NPAS3: variants seen among roughly 807,000 people sequenced by gnomAD.
NPAS3 encodes neuronal PAS domain protein 3.
NPAS3 carries 14 observed loss-of-function variants against 73.1 expected under a neutral mutation model. The ratio of observed to expected loss-of-function variants is 0.19; its 90% CI spans 0.13 to 0.30. The LOEUF is 0.30. Among genes scored for constraint, NPAS3 ranks in the 10% least tolerant of loss-of-function variants. The pLI is 1.00. For missense variants in NPAS3, 1,096 were observed against 1,250.0 expected (o/e 0.88, Z 1.86); for synonymous variants, 620 against 541.5 (o/e 1.14, Z -2.01).
chr14:33,494,692 A>G (rs1452547813), intron 4 of NPAS3, among the ~76,000 whole-genome samples: 1 of 152,144 alleles, frequency 6.6e-6, no homozygotes, highest in African/African-American at 2.4e-5. Flanking sequence ...TGTTTAAACC[A>G]TAGGTATATA....
In NPAS3 at chr14:33,022,480, C is replaced by T. The variant is rs528165596; in HGVS notation, c.51-33425C>T. On this transcript the variant is annotated intron_variant, in intron 1 of 11. Transcript: ENST00000356141. ...GAGATCGAGACCATCCTGGCTAACA[C>T]GGTGAAACTCCGTCTCTACTAAAAA... Among the ~76,000 whole-genome samples the T allele has an allele frequency of 5.3e-5, 8 of 151,986 alleles. No individual in the cohort carries two copies. In the East Asian group the frequency reaches 7.8e-4, roughly 15 times the overall value.
intron 3 of NPAS3, among the ~76,000 whole-genome samples, chr14:33,222,440 G>A (rs769297370): frequency 6.6e-5 from 10 of 152,138 alleles, no homozygotes; most frequent in Non-Finnish European, 1.2e-4. Context: ...CTTCTATTGG[G>A]TTTGCTTGAA....
intron 7 of NPAS3, among the ~76,000 whole-genome samples, chr14:33,764,438 G>T (rs1001008258): frequency 6.6e-6 from 1 of 152,160 alleles, no homozygotes; most frequent in Non-Finnish European, 1.5e-5. Context: ...ATAGAAAATA[G>T]AAAATATTTA....
At chr14:33,664,621 A>G (rs1250817732) in intron 5 of NPAS3, among the ~76,000 whole-genome samples, 1 of 152,234 alleles carries the variant, frequency 6.6e-6, no homozygotes, top group Admixed American at 6.5e-5. Context: ...TGTCCATCTG[A>G]CAAAGGGCTA....
At chr14:33,714,161 A>G (rs926507614) in intron 6 of NPAS3, among the ~76,000 whole-genome samples, 1 of 152,076 alleles carries the variant, frequency 6.6e-6, no homozygotes, top group Non-Finnish European at 1.5e-5. Context: ...TAAAAAGACT[A>G]AAAAACAAAA....
intron 2 of NPAS3, among the ~76,000 whole-genome samples, chr14:33,079,994 A>T (rs1334214621): frequency 6.6e-6 from 1 of 152,178 alleles, no homozygotes; most frequent in East Asian, 1.9e-4. Context: ...AGGTTTATAA[A>T]AATTTAAAAA....
At chr14:33,091,928 A>T (rs2042239961) in intron 2 of NPAS3, among the ~76,000 whole-genome samples, 1 of 152,216 alleles carries the variant, frequency 6.6e-6, no homozygotes, top group South Asian at 2.1e-4. Flanking sequence ...GCAGCCCTTC[A>T]TGCTAAAAAC....
At chr14:33,246,965 G>C (rs957180081) in intron 3 of NPAS3, among the ~76,000 whole-genome samples, 1 of 149,354 alleles carries the variant, frequency 6.7e-6, no homozygotes, top group African/African-American at 2.5e-5. Context: ...AGTAAGCCAA[G>C]ACCATGTTAT....
chr14:32,980,323 A>G (rs1355757827), intron 1 of NPAS3, among the ~76,000 whole-genome samples: 1 of 152,164 alleles, frequency 6.6e-6, no homozygotes, highest in Non-Finnish European at 1.5e-5. Context: ...TTGAGCTTTG[A>G]AAAGGTTTGA....
intron 1 of NPAS3, among the ~76,000 whole-genome samples, chr14:33,027,331 G>C (rs2039843126): frequency 6.6e-6 from 1 of 152,106 alleles, no homozygotes; most frequent in African/African-American, 2.4e-5. Context: ...TGGGCTCTGA[G>C]TCAGGAGGAA....
chr14:33,240,082 T>G (rs2048167170), intron 3 of NPAS3, among the ~76,000 whole-genome samples: 1 of 151,924 alleles, frequency 6.6e-6, no homozygotes. Flanking sequence ...AGTTGCACAA[T>G]GTAATTCTTT....
chr14:33,327,660 T>C (rs2043772394), intron 3 of NPAS3, among the ~76,000 whole-genome samples: 1 of 152,100 alleles, frequency 6.6e-6, no homozygotes, highest in Non-Finnish European at 1.5e-5. Flanking sequence ...TAAGGGGAAG[T>C]TTCTTCATAG....
chr14:33,693,397 G>C (rs1047523137), intron 6 of NPAS3, among the ~76,000 whole-genome samples: 3 of 152,170 alleles, frequency 2.0e-5, no homozygotes, highest in Non-Finnish European at 4.4e-5. Context: ...TTGTGGTTCA[G>C]TGTTGACCTT....
At chr14:33,278,963 G>A (rs190280090) in intron 3 of NPAS3, among the ~76,000 whole-genome samples, 1 of 139,814 alleles carries the variant, frequency 7.2e-6, no homozygotes, top group East Asian at 2.0e-4. Flanking sequence ...AGTTAAATGA[G>A]GTCAAACCCA....
intron 5 of NPAS3, among the ~76,000 whole-genome samples, chr14:33,586,261 G>A (rs901110002): frequency 7.7e-6 from 1 of 130,312 alleles, no homozygotes; most frequent in Non-Finnish European, 1.6e-5. Flanking sequence ...CTGTTTCATA[G>A]CATAATAATT....
chr14:33,195,626 C>T (rs940889060), intron 2 of NPAS3, among the ~76,000 whole-genome samples: 5 of 152,208 alleles, frequency 3.3e-5, no homozygotes, highest in South Asian at 2.1e-4. Flanking sequence ...ATAAACCACA[C>T]TCTTCTTTCA....
intron 1 of NPAS3, among the ~76,000 whole-genome samples, chr14:33,029,382 A>G (rs569625706): frequency 2.6e-5 from 4 of 152,224 alleles, no homozygotes; most frequent in South Asian, 2.1e-4. Context: ...GACTTTGATC[A>G]AAAGTGAAGG....
chr14:33,117,567 A>G (rs1050553843), intron 2 of NPAS3, among the ~76,000 whole-genome samples: 2 of 152,118 alleles, frequency 1.3e-5, no homozygotes, highest in African/African-American at 4.8e-5. Flanking sequence ...AGAATAGCCA[A>G]ATTTGTGTTT....
intron 4 of NPAS3, among the ~76,000 whole-genome samples, chr14:33,533,450 C>T (rs1371154286): frequency 6.6e-6 from 1 of 152,046 alleles, no homozygotes; most frequent in African/African-American, 2.4e-5. Context: ...TGGCCAAGTT[C>T]GAAAAGACTG....
Sources: gnomAD v4.1 joint callset for allele counts (sites outside exome capture counted in the v4.1 genomes callset) on GRCh38, gnomAD v4.1.1 for gene constraint, MANE v1.5 for transcripts, NCBI Gene and HGNC (gene_info 2026-07-23, HGNC 2026-07-21) for gene names.